PRKN: variants seen among roughly 807,000 people sequenced by gnomAD.
The protein encoded by PRKN is parkin RBR E3 ubiquitin protein ligase.
Under a neutral mutation model 59.5 loss-of-function variants are expected in PRKN, and 56 were observed. That is an observed-to-expected ratio of 0.94 (90% CI 0.76 to 1.18). The LOEUF is 1.18. Among genes scored for constraint, PRKN ranks in the 50% most tolerant of loss-of-function variants. The pLI is 0.00. For missense variants in PRKN, 657 were observed against 596.4 expected (o/e 1.10, Z -1.06); for synonymous variants, 250 against 222.1 (o/e 1.13, Z -1.12).
chr6:162,245,413 G>C (rs1779157763), intron 3 of PRKN, among the ~76,000 whole-genome samples: 1 of 151,848 alleles, frequency 6.6e-6, no homozygotes, highest in African/African-American at 2.4e-5. Flanking sequence ...AAAGCCTTTT[G>C]AACCAATTTA....
intron 7 of PRKN, among the ~76,000 whole-genome samples, chr6:161,668,667 T>G (rs10945768): frequency 6.6e-6 from 1 of 151,984 alleles, no homozygotes; most frequent in Non-Finnish European, 1.5e-5. Context: ...CTGGGATGGT[T>G]TCTTTTATAA....
chr6:162,190,036 T>C (rs1784205129), intron 4 of PRKN, among the ~76,000 whole-genome samples: 1 of 151,980 alleles, frequency 6.6e-6, no homozygotes, highest in African/African-American at 2.4e-5. Flanking sequence ...TAGACAGAAA[T>C]ATAATTCTTT....
At chr6:161,427,826 T>C (rs1788454793) in intron 9 of PRKN, among the ~76,000 whole-genome samples, 1 of 152,164 alleles carries the variant, frequency 6.6e-6, no homozygotes, top group African/African-American at 2.4e-5. Flanking sequence ...TCACTTGCAA[T>C]CTGCAGATTT....
At chr6:162,433,685 T>G (rs1373507579) in intron 2 of PRKN, among the ~76,000 whole-genome samples, 1 of 142,496 alleles carries the variant, frequency 7.0e-6, no homozygotes, top group African/African-American at 2.8e-5. Context: ...AGAACTATCT[T>G]AAACAAATGT....
intron 7 of PRKN, among the ~76,000 whole-genome samples, chr6:161,639,970 A>G (rs566219763): frequency 2.0e-5 from 3 of 152,304 alleles, no homozygotes; most frequent in African/African-American, 7.2e-5. Context: ...GGGGCTCCAG[A>G]GAGATTTCAT....
chr6:162,038,539 C>T (rs7738197), intron 5 of PRKN, among the ~76,000 whole-genome samples: 9,971 of 152,202 alleles, frequency 0.066, 833 homozygotes, highest in African/African-American at 0.2. Flanking sequence ...AAGGTTTCAT[C>T]TGGGGCCACC....
intron 1 of PRKN, among the ~76,000 whole-genome samples, chr6:162,600,167 C>A (rs1391651685): frequency 6.6e-6 from 1 of 152,126 alleles, no homozygotes; most frequent in Non-Finnish European, 1.5e-5. Flanking sequence ...TCAGCAGTAA[C>A]CCCTTTCCTG....
intron 1 of PRKN, among the ~76,000 whole-genome samples, chr6:162,553,693 C>T (rs1012325465): frequency 2.0e-5 from 3 of 151,294 alleles, no homozygotes; most frequent in African/African-American, 7.3e-5. Flanking sequence ...ATCTCAGCTA[C>T]TCAGAAGGCT....
intron 3 of PRKN, among the ~76,000 whole-genome samples, chr6:162,226,105 G>C (rs1014122536): frequency 6.7e-6 from 1 of 148,242 alleles, no homozygotes; most frequent in Non-Finnish European, 1.5e-5. Flanking sequence ...AATAAAATTA[G>C]ATCAAACTGG....
intron 5 of PRKN, among the ~76,000 whole-genome samples, chr6:162,007,577 G>A (rs1782305403): frequency 6.6e-6 from 1 of 152,032 alleles, no homozygotes; most frequent in Non-Finnish European, 1.5e-5. Flanking sequence ...AACCGTTGAT[G>A]GCAGAATCAT....
At chr6:161,645,932 T>C (rs139060514) in intron 7 of PRKN, among the ~76,000 whole-genome samples, 23,309 of 134,932 alleles carry the variant, frequency 0.17, 2,438 homozygotes, top group Middle Eastern at 0.27. Context: ...GGTGACTGCG[T>C]GTGCATGCGT....
At chr6:161,791,886 C>A (rs1416254521) in intron 6 of PRKN, among the ~76,000 whole-genome samples, 1 of 152,186 alleles carries the variant, frequency 6.6e-6, no homozygotes, top group East Asian at 1.9e-4. Flanking sequence ...AGGAAAAGTG[C>A]AGAAACGGCA....
intron 7 of PRKN, among the ~76,000 whole-genome samples, chr6:161,750,327 T>C (rs774441200): frequency 6.6e-6 from 1 of 152,166 alleles, no homozygotes; most frequent in Non-Finnish European, 1.5e-5. Flanking sequence ...CTTTCCACAC[T>C]TTCTGCTGGA....
intron 2 of PRKN, among the ~76,000 whole-genome samples, chr6:162,398,036 C>G (rs1367242391): frequency 2.4e-5 from 2 of 83,756 alleles, no homozygotes; most frequent in Non-Finnish European, 5.5e-5. Context: ...GATTCTGACT[C>G]AAAAAAAAAA....
At chr6:162,174,814 A>G (rs1783457727) in intron 4 of PRKN, among the ~76,000 whole-genome samples, 1 of 152,232 alleles carries the variant, frequency 6.6e-6, no homozygotes, top group African/African-American at 2.4e-5. Flanking sequence ...TTCCCAACAG[A>G]AAGTCATTGT....
Position 161,546,777 on chromosome 6 carries a change from G to A in PRKN, c.1083+2077C>T, listed in dbSNP as rs1779810792. Among the ~76,000 whole-genome samples, 1 of 151,984 alleles carries A rather than the reference G, an allele frequency of 6.6e-6. No homozygotes were observed. On this transcript the variant is annotated intron_variant, in intron 9 of 11. Transcript: ENST00000366898. The surrounding 1 kb of genome is among the most constrained non-coding windows in gnomAD (Gnocchi z 4.4). The stretch of plus-strand genomic sequence containing the variant: ...AGCTTTGGGGATTTGGTCCTACAAG[G>A]CACTGTAGCTTCTCTCTGTTCTCTC...
In PRKN at chr6:161,544,746, T is replaced by A. The variant is rs1364179240; in HGVS notation, c.1083+4108A>T. Among the ~76,000 whole-genome samples, 7 of 152,226 alleles carry A rather than the reference T, an allele frequency of 4.6e-5. No individual in the cohort carries two copies. Among genetic ancestry groups the A allele is most frequent in the Admixed American group, 4.6e-4 (7 of 15,286 alleles). On this transcript the variant is annotated intron_variant, in intron 9 of 11. Coordinates refer to ENST00000366898, the MANE Select transcript of PRKN (RefSeq NM_004562.3). This position sits in a 1 kb window ranked among gnomAD's most constrained non-coding sequence, Gnocchi z 5.5. Reference sequence around the variant, plus strand: ...CAGGCCTTTCCTAGGTGGACTGACATCATCACTTAAATGGAAATCCCTGTC... The same window carrying A: ...CAGGCCTTTCCTAGGTGGACTGACAACATCACTTAAATGGAAATCCCTGTC...
intron 2 of PRKN, among the ~76,000 whole-genome samples, chr6:162,363,131 CAAAAAAAAAAA>C (rs34722234): frequency 6.1e-5 from 6 of 98,440 alleles, no homozygotes; most frequent in South Asian, 7.3e-4. Context: ...CCTTCTCAAA[CAAAAAAAAAAA>C]AAAAAAAAAA....
At chr6:161,746,754 TATATCTATATAG>T (rs891830684) in intron 7 of PRKN, among the ~76,000 whole-genome samples, 7 of 146,670 alleles carry the variant, frequency 4.8e-5, no homozygotes, top group African/African-American at 1.8e-4. Flanking sequence ...TATGCACATA[TATATCTATATAG>T]ATATATATGT....
Sources: allele counts gnomAD v4.1 joint callset (sites outside exome capture counted in the v4.1 genomes callset), GRCh38; gene constraint gnomAD v4.1.1; non-coding constraint Gnocchi (gnomAD v3.1); transcripts MANE v1.5; gene names NCBI Gene and HGNC (gene_info 2026-07-23, HGNC 2026-07-21).